The following TOP1MT variants were observed in gnomAD, a reference collection of about 807,000 sequenced individuals.
The protein encoded by TOP1MT is DNA topoisomerase I, mitochondrial.
A neutral mutation model predicts 73.9 loss-of-function variants in TOP1MT; 80 were observed. That is an observed-to-expected ratio of 1.08 (90% CI 0.90 to 1.30). The LOEUF (loss-of-function observed/expected upper bound fraction) is 1.30, where lower values mean the gene tolerates loss of function less well. Among genes scored for constraint, TOP1MT ranks in the 50% most tolerant of loss-of-function variants. The probability of loss-of-function intolerance (pLI) is 0.00; values close to 1 mark genes in which losing one functional copy is unlikely to be tolerated. For synonymous variants in TOP1MT, 338 were observed against 326.4 expected, an observed-to-expected ratio of 1.04 and a Z score of -0.38; for missense variants, 815 against 808.0, an observed-to-expected ratio of 1.01 and a Z score of -0.10.
intron 1 of TOP1MT, among the ~76,000 whole-genome samples, chr8:143,354,724 A>C (rs1209374802): frequency 2.0e-5 from 3 of 152,124 alleles, no homozygotes; most frequent in African/African-American, 7.2e-5. Context: ...AAAAAAAAAA[A>C]AGAAAAACTT....
chr8:143,323,671 CACGCCACACACATGCACGCCA>C, intron 7 of TOP1MT, among the ~76,000 whole-genome samples: 1 of 77,764 alleles, frequency 1.3e-5, no homozygotes, highest in South Asian at 9.3e-4. Context: ...ACCACACACG[CACGCCACACACATGCACGCCA>C]CACACACAGG....
At chr8:143,311,291 C>T (rs1011483058) in intron 12 of TOP1MT, among the ~76,000 whole-genome samples, 7 of 151,938 alleles carry the variant, frequency 4.6e-5, no homozygotes, top group African/African-American at 1.7e-4. Flanking sequence ...AGAAATTTTA[C>T]AGCAGCTGCC....
intron 1 of TOP1MT, chr8:143,350,252 CA>C (rs1359037410): frequency 1.3e-5 from 2 of 152,244 alleles, no homozygotes; most frequent in Non-Finnish European, 2.9e-5. Context: ...GAATGACAGG[CA>C]AATTCATCAC....
chr8:143,350,413 C>T (rs1817300941), intron 1 of TOP1MT: 1 of 152,242 alleles, frequency 6.6e-6, no homozygotes. Context: ...CTCACTGCAA[C>T]CTCCATCTCC....
In TOP1MT at chr8:143,342,552, T is replaced by C. The variant is rs1817128549; in HGVS notation, c.29+668A>G. Among the ~76,000 whole-genome samples, 3 of 137,960 alleles carry C rather than the reference T, an allele frequency of 2.2e-5. No homozygotes were observed. In the South Asian group the frequency reaches 7.5e-4, roughly 34 times the overall value. 90.5% of individuals were successfully genotyped at this position (137,960 alleles called of 152,430 possible). ...GAGTCTCGCTCTGTTATTATTATTATTATTAGAGACAGAGTCTCGCTCTGT... is the reference window on the plus strand; with the variant it reads ...GAGTCTCGCTCTGTTATTATTATTACTATTAGAGACAGAGTCTCGCTCTGT... On this transcript the variant is annotated intron_variant, in intron 2 of 5. Coordinates refer to the TOP1MT transcript ENST00000518007.
chr8:143,334,481 G>A (rs1816936959), intron 1 of TOP1MT, among the ~76,000 whole-genome samples: 1 of 152,106 alleles, frequency 6.6e-6, no homozygotes, highest in East Asian at 1.9e-4. Context: ...ACCACAAGCG[G>A]AAAAAAAGAG....
chr8:143,310,228 A>G lies in TOP1MT; in HGVS notation c.1554-11T>C. 6.5e-7 allele frequency: 1 copy of G among 1,527,284 alleles called. No homozygotes were observed. Among genetic ancestry groups the G allele is most frequent in the South Asian group, 1.2e-5 (1 of 80,854 alleles). The allele number at this position is 1,527,284 out of a possible 1,614,324, so 94.6% of individuals were successfully genotyped here. On this transcript the variant is annotated splice_polypyrimidine_tract_variant and intron_variant, in intron 12 of 13. Coordinates refer to ENST00000329245, the MANE Select transcript of TOP1MT (RefSeq NM_052963.3). ...TTCTTCTCCAGGACACTGGCAAGAG[A>G]AGAGGAGGCCGCGAGGCCCCGCGCT...
chr8:143,321,559 ACACACACGCACGC>A (rs1816367089), intron 7 of TOP1MT, among the ~76,000 whole-genome samples, 173 bp from the exon 8 acceptor site: 1 of 88,464 alleles, frequency 1.1e-5, no homozygotes, highest in Non-Finnish European at 2.3e-5. Flanking sequence ...CACGCACGCC[ACACACACGCACGC>A]CACACAGGCA....
In TOP1MT at chr8:143,326,544, T is replaced by C. The variant is rs147703476; in HGVS notation, c.361-200A>G. Among the ~76,000 whole-genome samples the C allele has an allele frequency of 2.9e-3, 436 of 152,258 alleles. 5 individuals are homozygous for C. Among genetic ancestry groups the C allele is most frequent in the African/African-American group, 1.0e-2 (415 of 41,542 alleles). ...GACCCCACAGATAGAGCTGGTTCTG[T>C]TATTGCAGGCATGGAGTTGGGTGGG... On this transcript the variant is annotated intron_variant, in intron 3 of 13. Coordinates refer to ENST00000329245, the MANE Select transcript of TOP1MT (RefSeq NM_052963.3).
chr8:143,347,395 T>TCCG (rs1286284929), upstream of TOP1MT, among the ~76,000 whole-genome samples: 4 of 152,208 alleles, frequency 2.6e-5, no homozygotes, highest in Non-Finnish European at 5.9e-5. Context: ...GACCTCGTGA[T>TCCG]CCGCCCGCCT....
At chr8:143,326,084 G>A (rs1055519992) in intron 4 of TOP1MT, 138 bp downstream of exon 4, 17 of 980,798 alleles carry the variant, frequency 1.7e-5, no homozygotes, top group South Asian at 3.4e-5. Context: ...ATGCAGGGGC[G>A]CTAAGGCTGA....
chr8:143,325,587 C>T (rs1314920018), intron 4 of TOP1MT, 54 bp from the exon 5 acceptor site: 17 of 1,542,094 alleles, frequency 1.1e-5, no homozygotes, highest in Non-Finnish European at 1.2e-5. Flanking sequence ...GAGAACAGGC[C>T]TCAGTCCGTT....
rs536182605 is a variant in TOP1MT at position 143,318,296 on chromosome 8, T to C, written c.1147-210A>G. On this transcript the variant is annotated intron_variant, in intron 8 of 13. Coordinates refer to ENST00000329245, the MANE Select transcript of TOP1MT (RefSeq NM_052963.3). ...ACCGCTACCACACGCACAGGCAGCG[T>C]GCTCAGGAGGTGGGCGTGACTCCTG... is the stretch of plus-strand genomic sequence containing the variant. Among the ~76,000 whole-genome samples the C allele has an allele frequency of 4.6e-5, 7 of 152,264 alleles. No homozygotes were observed. The South Asian group carries it at 1.2e-3, about 27-fold the overall frequency.
At chr8:143,321,649 AGG>A (rs1191348194) in intron 7 of TOP1MT, among the ~76,000 whole-genome samples, 2 of 53,012 alleles carry the variant, frequency 3.8e-5, no homozygotes, top group South Asian at 8.2e-4. Flanking sequence ...CGCCACACAC[AGG>A]CACGCCACAC....
At chr8:143,342,316 GAC>G (rs1817114803) in intron 2 of TOP1MT, among the ~76,000 whole-genome samples, 1 of 135,068 alleles carries the variant, frequency 7.4e-6, no homozygotes, top group African/African-American at 3.4e-5. Context: ...TATTATTAGA[GAC>G]AGAGTCTCGC....
At chr8:143,323,038 GCCACACAGGCACGCCACACACAGGCACA>G (rs1816556691) in intron 7 of TOP1MT, among the ~76,000 whole-genome samples, 1 of 48,888 alleles carries the variant, frequency 2.0e-5, no homozygotes, top group East Asian at 9.1e-4. Flanking sequence ...ACACATGCAC[GCCACACAGGCACGCCACACACAGGCACA>G]CCACACACGC....
At chr8:143,318,660 C>T (rs913724743) in intron 8 of TOP1MT, among the ~76,000 whole-genome samples, 9 of 152,196 alleles carry the variant, frequency 5.9e-5, no homozygotes, top group Admixed American at 1.3e-4. Context: ...GGCTCCAGGG[C>T]GGAGGTTGCT....
intron 3 of TOP1MT, among the ~76,000 whole-genome samples, chr8:143,328,674 T>C (rs939470298): frequency 2.6e-5 from 4 of 152,182 alleles, no homozygotes; most frequent in African/African-American, 9.7e-5. Context: ...GCTTTACACA[T>C]GCAAAGGCCT....
chr8:143,341,716 A>G lies in TOP1MT; in HGVS notation c.29+1504T>C, dbSNP rs1486709896. Among the ~76,000 whole-genome samples the G allele has an allele frequency of 2.0e-5, 3 of 152,218 alleles. No individual in the cohort carries two copies. Among genetic ancestry groups the G allele is most frequent in the African/African-American group, 7.2e-5 (3 of 41,466 alleles). On this transcript the variant is annotated intron_variant, in intron 2 of 5. Transcript: ENST00000518007. The surrounding 1 kb of genome is among the most constrained non-coding windows in gnomAD (Gnocchi z 4.1). ...AACTCCGGAGCAGGTGCAGGCCGCA[A>G]CAGGCCATACTGCCAGCGTCCACCC...
Sources: gnomAD v4.1 joint callset for allele counts (sites outside exome capture counted in the v4.1 genomes callset) on GRCh38, gnomAD v4.1.1 for gene constraint, Gnocchi (gnomAD v3.1) non-coding constraint, MANE v1.5 for transcripts, NCBI Gene and HGNC (gene_info 2026-07-23, HGNC 2026-07-21) for gene names.